The following KIAA1671 variants were observed in gnomAD, a reference collection of about 807,000 sequenced individuals.
KIAA1671 encodes uncharacterized protein KIAA1671.
A neutral mutation model predicts 131.2 loss-of-function variants in KIAA1671; 52 were observed. That is an observed-to-expected ratio of 0.40 (90% CI 0.32 to 0.50). KIAA1671 has a LOEUF of 0.50. Ranked by LOEUF, KIAA1671 falls within the 20% of genes least tolerant of loss-of-function variation. KIAA1671 has a pLI of 0.73. For missense variants in KIAA1671, 2,360 were observed against 2,364.2 expected (o/e 1.00, Z 0.04); for synonymous variants, 1,003 against 961.6 (o/e 1.04, Z -0.80).
At chr22:25,001,049 C>T (rs112855701) in intron 1 of KIAA1671, among the ~76,000 whole-genome samples, 26 of 149,404 alleles carry the variant, frequency 1.7e-4, no homozygotes, top group African/African-American at 5.9e-4. Context: ...AGTAACCATT[C>T]GAGTCTTTTG....
At chr22:25,191,170 CAG>C (rs947811644) in intron 12 of KIAA1671, among the ~76,000 whole-genome samples, 6 of 128,918 alleles carry the variant, frequency 4.7e-5, no homozygotes, top group Non-Finnish European at 8.0e-5. Flanking sequence ...TTTTTTGAGA[CAG>C]AGTTTCGCCC....
At chr22:25,173,518 C>T (rs1304255697) in intron 7 of KIAA1671, among the ~76,000 whole-genome samples, 1 of 152,120 alleles carries the variant, frequency 6.6e-6, no homozygotes. Flanking sequence ...TCAGCACTGC[C>T]CAGCAGAAAT....
chr22:25,031,733 C>A (rs1414807844), intron 3 of KIAA1671, among the ~76,000 whole-genome samples: 1 of 152,172 alleles, frequency 6.6e-6, no homozygotes, highest in East Asian at 1.9e-4. Context: ...TGCCACGGTC[C>A]TAATATGCTT....
intron 6 of KIAA1671, among the ~76,000 whole-genome samples, chr22:25,150,539 G>A (rs1004145877): frequency 9.9e-5 from 15 of 152,006 alleles, no homozygotes; most frequent in South Asian, 2.1e-4. Flanking sequence ...TGCCTCCCCC[G>A]ACACCCCAAC....
At chr22:25,123,196 T>G (rs572558835) in intron 6 of KIAA1671, among the ~76,000 whole-genome samples, 2 of 137,440 alleles carry the variant, frequency 1.5e-5, no homozygotes, top group South Asian at 2.6e-4. Flanking sequence ...TGAGGTTTTT[T>G]TTTTTTTTTT....
intron 6 of KIAA1671, among the ~76,000 whole-genome samples, chr22:25,108,164 T>C (rs1358096076): frequency 2.0e-5 from 3 of 152,226 alleles, no homozygotes; most frequent in African/African-American, 4.8e-5. Flanking sequence ...TGTGGACATA[T>C]GTGTCTTGTT....
intron 1 of KIAA1671, among the ~76,000 whole-genome samples, chr22:25,000,412 C>G (rs531099182): frequency 2.2e-5 from 2 of 93,006 alleles, no homozygotes; most frequent in South Asian, 4.1e-4. Flanking sequence ...CCGGGATGGT[C>G]TCGATCTCCT....
At position 24,967,233 on chromosome 22, in the gene KIAA1671, G is replaced by A. The variant is rs117534265; in HGVS notation, c.-208+14461G>A. Among the ~76,000 whole-genome samples, 596 of 152,322 alleles carry A rather than the reference G, an allele frequency of 3.9e-3. 21 individuals are homozygous for A. The East Asian group carries it at 0.077, about 20-fold the overall frequency. ...GTGTGCCAAGTCCCTTGTTAGGGAG[G>A]TACTGTTAGGTGCCTTCTTGTCAAA... On this transcript the variant is annotated intron_variant, in intron 1 of 12. Transcript: ENST00000358431.
rs1384477984 is a variant in KIAA1671, at chr22:25,000,468, C to T, written c.-207-25165C>T. The stretch of plus-strand genomic sequence containing the variant: ...TCGGCCTCCCAAAGTGCTGGGATTA[C>T]AGGCGTGAGCCACCGCGCCCGGCCT... On this transcript the variant is annotated intron_variant, in intron 1 of 12. Coordinates refer to ENST00000358431, the MANE Select transcript of KIAA1671 (RefSeq NM_001145206.2). 4.6e-5 allele frequency among the ~76,000 whole-genome samples: 4 copies of T among 87,474 alleles called. 1 individual carries two copies. The highest frequency in any genetic ancestry group is 3.9e-5 in the African/African-American group (1 of 25,372). 57.4% of individuals were successfully genotyped at this position (87,474 alleles called of 152,430 possible). A position where few individuals can be genotyped will look rare whatever the true frequency, so the allele number is the denominator to read the frequency against.
intron 3 of KIAA1671, among the ~76,000 whole-genome samples, chr22:25,031,883 G>T (rs1443997055): frequency 2.6e-5 from 4 of 152,176 alleles, no homozygotes; most frequent in Admixed American, 2.6e-4. Flanking sequence ...GGGTTGCTGA[G>T]TATGGGTTAA....
intron 11 of KIAA1671, among the ~76,000 whole-genome samples, chr22:25,190,386 T>G (rs1934631113): frequency 6.6e-6 from 1 of 152,220 alleles, no homozygotes; most frequent in Non-Finnish European, 1.5e-5. Context: ...TGAATACAGA[T>G]GAAGCTTCGC....
At chr22:25,156,269 C>T (rs965050701) in intron 6 of KIAA1671, among the ~76,000 whole-genome samples, 3 of 151,868 alleles carry the variant, frequency 2.0e-5, no homozygotes, top group African/African-American at 7.3e-5. Context: ...TCGTGATCCG[C>T]CCTCCTCGGC....
chr22:25,179,597 G>A, intron 9 of KIAA1671: 2 of 1,265,910 alleles, frequency 1.6e-6, no homozygotes, highest in Non-Finnish European at 2.2e-6. Context: ...CAATGCGTTG[G>A]CCTCCAGGGT....
At chr22:24,968,106 C>T (rs976473449) in intron 1 of KIAA1671, among the ~76,000 whole-genome samples, 1 of 152,170 alleles carries the variant, frequency 6.6e-6, no homozygotes, top group African/African-American at 2.4e-5. Flanking sequence ...TCGAGAAAGG[C>T]AGTGGTAATG....
chr22:25,155,901 G>A (rs1933217802), intron 6 of KIAA1671, among the ~76,000 whole-genome samples: 1 of 145,850 alleles, frequency 6.9e-6, no homozygotes, highest in South Asian at 2.2e-4. Flanking sequence ...GTATGTGTAT[G>A]TATATAGTTT....
At chr22:25,077,667 C>T (rs1046606868) in intron 6 of KIAA1671, among the ~76,000 whole-genome samples, 14 of 152,168 alleles carry the variant, frequency 9.2e-5, no homozygotes, top group African/African-American at 3.1e-4. Context: ...TTTTAAGATC[C>T]TCCTGCAGGG....
intron 3 of KIAA1671, among the ~76,000 whole-genome samples, chr22:25,031,520 CG>C (rs1335890668): frequency 6.7e-6 from 1 of 150,006 alleles, no homozygotes; most frequent in Non-Finnish European, 1.5e-5. Flanking sequence ...TTAGTAGAGA[CG>C]GGGTTTCACC....
chr22:25,177,613 G>A, intron 9 of KIAA1671, 91 bp downstream of exon 9: 1 of 1,143,860 alleles, frequency 8.7e-7, no homozygotes, highest in Non-Finnish European at 1.2e-6. Flanking sequence ...TGACTTGGAA[G>A]GCTGTAGATC....
chr22:25,173,800 T>TATTA (rs1428690791), intron 7 of KIAA1671, among the ~76,000 whole-genome samples: 1 of 152,240 alleles, frequency 6.6e-6, no homozygotes, highest in Non-Finnish European at 1.5e-5. Flanking sequence ...CATGAAAAGT[T>TATTA]ATTAGCGAGG....
Sources: allele counts gnomAD v4.1 joint callset (sites outside exome capture counted in the v4.1 genomes callset), GRCh38; gene constraint gnomAD v4.1.1; transcripts MANE v1.5; gene names NCBI Gene and HGNC (gene_info 2026-07-23, HGNC 2026-07-21).